The following MAGI1 variants were observed in gnomAD, a reference collection of about 807,000 sequenced individuals.
MAGI1 encodes membrane associated guanylate kinase, WW and PDZ domain containing 1, also known as membrane-associated guanylate kinase, WW and PDZ domain-containing protein 1.
Under a neutral mutation model 139.9 loss-of-function variants are expected in MAGI1, and 58 were observed. The observed-to-expected ratio is 0.41, with a 90% CI of 0.34 to 0.52. The LOEUF (loss-of-function observed/expected upper bound fraction) is 0.52, where lower values mean the gene tolerates loss of function less well. Ranked by LOEUF, MAGI1 falls within the 20% of genes least tolerant of loss-of-function variation. The probability of loss-of-function intolerance (pLI) is 0.12; values close to 1 mark genes in which losing one functional copy is unlikely to be tolerated. For missense variants in MAGI1, 1,874 were observed against 1,901.6 expected, an observed-to-expected ratio of 0.99 and a Z score of 0.27; for synonymous variants, 812 against 737.9, an observed-to-expected ratio of 1.10 and a Z score of -1.63.
chr3:65,650,442 C>T (rs2085515283), intron 1 of MAGI1, among the ~76,000 whole-genome samples: 1 of 152,130 alleles, frequency 6.6e-6, no homozygotes, highest in Non-Finnish European at 1.5e-5. Context: ...TCATGGAATA[C>T]TACTCAGCAA....
intron 1 of MAGI1, among the ~76,000 whole-genome samples, chr3:65,765,503 A>T (rs1006943383): frequency 7.9e-5 from 12 of 152,218 alleles, no homozygotes; most frequent in Non-Finnish European, 5.9e-5. Flanking sequence ...ATTTTAAAAC[A>T]TTGAAGTCAT....
chr3:65,457,875 T>C (rs551716241), intron 5 of MAGI1, among the ~76,000 whole-genome samples: 1 of 152,288 alleles, frequency 6.6e-6, no homozygotes, highest in Non-Finnish European at 1.5e-5. Context: ...TGCTGTGCTA[T>C]CAAATACTAA....
At chr3:65,998,048 A>C (rs536494780) in intron 1 of MAGI1, among the ~76,000 whole-genome samples, 1 of 149,842 alleles carries the variant, frequency 6.7e-6, no homozygotes, top group Admixed American at 6.7e-5. Context: ...GGTTGCAGTG[A>C]GCCAAGATTG....
At chr3:65,444,129 C>A (rs1361899832) in intron 7 of MAGI1, among the ~76,000 whole-genome samples, 1 of 152,118 alleles carries the variant, frequency 6.6e-6, no homozygotes, top group African/African-American at 2.4e-5. Flanking sequence ...CCCTTTTCTT[C>A]TAAATCAAAA....
intron 16 of MAGI1, among the ~76,000 whole-genome samples, chr3:65,381,642 C>T (rs1327134680): frequency 1.3e-5 from 2 of 152,178 alleles, no homozygotes. Context: ...ATATATTCAA[C>T]TAGCCTTCCT....
intron 1 of MAGI1, among the ~76,000 whole-genome samples, chr3:65,869,367 T>TTTG (rs200952901): frequency 0.085 from 10,030 of 118,658 alleles, 421 homozygotes; most frequent in Non-Finnish European, 0.11. Context: ...AGACTGGTTT[T>TTTG]TTGTTGTTGT....
intron 13 of MAGI1, among the ~76,000 whole-genome samples, chr3:65,395,895 A>G (rs909544273): frequency 3.3e-5 from 5 of 151,856 alleles, no homozygotes; most frequent in Non-Finnish European, 7.4e-5. Context: ...TGGTGAATGG[A>G]TTGGTGGGGA....
chr3:65,982,250 C>T (rs1250318198), intron 1 of MAGI1, among the ~76,000 whole-genome samples: 1 of 152,214 alleles, frequency 6.6e-6, no homozygotes, highest in Non-Finnish European at 1.5e-5. Context: ...TTCCATGATC[C>T]TCTCAGCCTG....
At chr3:65,641,426 A>AT (rs1161195945) in intron 1 of MAGI1, among the ~76,000 whole-genome samples, 1 of 152,112 alleles carries the variant, frequency 6.6e-6, no homozygotes, top group East Asian at 1.9e-4. Context: ...AGGCATCGGT[A>AT]TTTTTTTTCT....
intron 2 of MAGI1, among the ~76,000 whole-genome samples, chr3:65,518,334 T>C (rs997897088): frequency 1.3e-5 from 2 of 152,212 alleles, no homozygotes; most frequent in African/African-American, 4.8e-5. Flanking sequence ...TTATTCACCA[T>C]AATATTAACA....
chr3:65,686,571 A>T (rs532117120), intron 1 of MAGI1, among the ~76,000 whole-genome samples: 9 of 152,278 alleles, frequency 5.9e-5, no homozygotes, highest in African/African-American at 2.2e-4. Context: ...GATTACAGGC[A>T]TGAGCCATCG....
At chr3:65,753,197 G>A (rs539306467) in intron 1 of MAGI1, among the ~76,000 whole-genome samples, 11 of 152,158 alleles carry the variant, frequency 7.2e-5, no homozygotes, top group Middle Eastern at 3.4e-3. Context: ...CTGAGTGCCC[G>A]AGAACCACAG....
At chr3:65,933,611 C>T (rs914634932) in intron 1 of MAGI1, among the ~76,000 whole-genome samples, 1 of 152,084 alleles carries the variant, frequency 6.6e-6, no homozygotes, top group African/African-American at 2.4e-5. Context: ...GGAGTCCATA[C>T]AAGGCCATGA....
chr3:65,786,769 G>A (rs1310800823), intron 1 of MAGI1, among the ~76,000 whole-genome samples: 3 of 151,878 alleles, frequency 2.0e-5, no homozygotes, highest in East Asian at 1.9e-4. Flanking sequence ...CCGCCACCAC[G>A]CCTGGCTAAT....
chr3:65,744,566 A>C (rs1460651475), intron 1 of MAGI1, among the ~76,000 whole-genome samples: 2 of 152,220 alleles, frequency 1.3e-5, no homozygotes, highest in African/African-American at 2.4e-5. Flanking sequence ...AATCGTATGG[A>C]AACATGCTTA....
At chr3:65,723,735 GC>G (rs2107698985) in intron 1 of MAGI1, among the ~76,000 whole-genome samples, 1 of 152,222 alleles carries the variant, frequency 6.6e-6, no homozygotes, top group Admixed American at 6.5e-5. Context: ...ACAACAAATG[GC>G]AAAATTAGTA....
intron 1 of MAGI1, among the ~76,000 whole-genome samples, chr3:65,723,951 G>A (rs2033334084): frequency 6.6e-6 from 1 of 152,164 alleles, no homozygotes; most frequent in South Asian, 2.1e-4. Flanking sequence ...TCTACTAGGT[G>A]TACCTGTGAA....
At chr3:65,447,452 A>G (rs1419126684) in intron 7 of MAGI1, among the ~76,000 whole-genome samples, 1 of 152,230 alleles carries the variant, frequency 6.6e-6, no homozygotes, top group African/African-American at 2.4e-5. Context: ...GCATCACTAT[A>G]TAAACAACCA....
intron 10 of MAGI1, among the ~76,000 whole-genome samples, chr3:65,433,174 T>G (rs1385362791): frequency 6.6e-6 from 1 of 152,088 alleles, no homozygotes; most frequent in African/African-American, 2.4e-5. Context: ...TTCTGTTGAG[T>G]GAGAGAATGA....
Sources: gnomAD v4.1 joint callset for allele counts (sites outside exome capture counted in the v4.1 genomes callset) on GRCh38, gnomAD v4.1.1 for gene constraint, MANE v1.5 for transcripts, NCBI Gene and HGNC (gene_info 2026-07-23, HGNC 2026-07-21) for gene names.